Variants in AKAP6 observed in about 807,000 individuals in gnomAD.
The protein encoded by AKAP6 is A-kinase anchor protein 6.
A neutral mutation model predicts 188.5 loss-of-function variants in AKAP6; 58 were observed. The observed-to-expected ratio is 0.31, with a 90% CI of 0.25 to 0.38. The LOEUF is 0.38. Ranked by LOEUF, AKAP6 falls within the 10% of genes least tolerant of loss-of-function variation. AKAP6 has a pLI of 1.00. For missense variants in AKAP6, 2,710 were observed against 2,740.0 expected, an observed-to-expected ratio of 0.99 and a Z score of 0.24; for synonymous variants, 989 against 998.6, an observed-to-expected ratio of 0.99 and a Z score of 0.18.
intron 11 of AKAP6, among the ~76,000 whole-genome samples, chr14:32,744,085 A>T (rs1045546245): frequency 6.6e-6 from 1 of 151,964 alleles, no homozygotes; most frequent in Non-Finnish European, 1.5e-5. Context: ...TTCCTTCAAC[A>T]CTTTAAATAT....
chr14:32,796,047 A>G lies in AKAP6; in HGVS notation c.3588+22154A>G, dbSNP rs60862207. On this transcript the variant is annotated intron_variant, in intron 12 of 13. Coordinates refer to ENST00000280979, the MANE Select transcript of AKAP6 (RefSeq NM_004274.5). ...TCCAATCACAATTGCTACAAAAAGT[A>G]TAAAATATGTAGGAATATAGCTAAC... is the stretch of plus-strand genomic sequence containing the variant. Among the ~76,000 whole-genome samples the G allele has an allele frequency of 6.2e-3, 944 of 152,318 alleles. 7 individuals carry two copies. Among genetic ancestry groups the G allele is most frequent in the African/African-American group, 0.021 (883 of 41,556 alleles).
At chr14:32,764,299 A>G (rs1270090730) in intron 11 of AKAP6, among the ~76,000 whole-genome samples, 3 of 152,188 alleles carry the variant, frequency 2.0e-5, no homozygotes, top group African/African-American at 7.2e-5. Context: ...TATTTTTCCC[A>G]TCCCTGTTAT....
At chr14:32,757,488 T>C (rs1480989381) in intron 11 of AKAP6, among the ~76,000 whole-genome samples, 1 of 152,144 alleles carries the variant, frequency 6.6e-6, no homozygotes, top group African/African-American at 2.4e-5. Context: ...CCCCTTTAAA[T>C]AAGGAAGGGA....
intron 12 of AKAP6, among the ~76,000 whole-genome samples, chr14:32,811,282 G>A (rs10138307): frequency 0.21 from 30,850 of 143,728 alleles, 3,620 homozygotes; most frequent in East Asian, 0.36. Context: ...AAGATAATGT[G>A]TGCCATTTTT....
chr14:32,768,499 C>G (rs1397026618), intron 11 of AKAP6, among the ~76,000 whole-genome samples: 2 of 152,146 alleles, frequency 1.3e-5, no homozygotes, highest in East Asian at 3.9e-4. Flanking sequence ...CAAGAAAATA[C>G]TAGTAACATA....
chr14:32,541,367 A>G (rs979563822), intron 3 of AKAP6, among the ~76,000 whole-genome samples: 2 of 151,848 alleles, frequency 1.3e-5, no homozygotes, highest in African/African-American at 4.8e-5. Flanking sequence ...TATTCATGTA[A>G]CATCACTGAT....
chr14:32,528,768 C>G (rs1218835909), intron 2 of AKAP6, among the ~76,000 whole-genome samples: 1 of 152,124 alleles, frequency 6.6e-6, no homozygotes, highest in African/African-American at 2.4e-5. Context: ...ACCTCTGCCT[C>G]TTGGGTTCAA....
chr14:32,434,005 G>A (rs1461457210), intron 2 of AKAP6, 188 bp downstream of exon 2: 3 of 603,332 alleles, frequency 5.0e-6, no homozygotes, highest in East Asian at 2.8e-5. Context: ...TACATGTGCT[G>A]ATTATCTAGA....
At chr14:32,438,158 G>A (rs1303249384) in intron 2 of AKAP6, among the ~76,000 whole-genome samples, 1 of 152,156 alleles carries the variant, frequency 6.6e-6, no homozygotes, top group Non-Finnish European at 1.5e-5. Flanking sequence ...CAAAGGCATT[G>A]GATGAATCAA....
chr14:32,797,925 G>GAA (rs57455449), intron 12 of AKAP6, among the ~76,000 whole-genome samples: 12,224 of 127,966 alleles, frequency 0.096, 593 homozygotes, highest in South Asian at 0.16. Flanking sequence ...CTTCTGCACA[G>GAA]AAAAAAAAAA....
intron 11 of AKAP6, among the ~76,000 whole-genome samples, chr14:32,768,266 T>C (rs1018603700): frequency 6.6e-6 from 1 of 152,222 alleles, no homozygotes; most frequent in Non-Finnish European, 1.5e-5. Flanking sequence ...ACATTATCTG[T>C]ACCTGAATAG....
chr14:32,708,532 G>A (rs965994359), intron 9 of AKAP6, among the ~76,000 whole-genome samples: 1 of 151,976 alleles, frequency 6.6e-6, no homozygotes, highest in Non-Finnish European at 1.5e-5. Flanking sequence ...CTAATACCAG[G>A]AGAGGGCTGA....
At chr14:32,618,581 TTATC>T (rs896196265) in intron 7 of AKAP6, among the ~76,000 whole-genome samples, 105 of 152,348 alleles carry the variant, frequency 6.9e-4, no homozygotes, top group African/African-American at 2.5e-3. Flanking sequence ...CACATTTTCT[TTATC>T]TACTCATTGG....
rs7155667 is a variant in AKAP6, at chr14:32,450,017, A to T, written c.324+16200A>T. Reference sequence around the variant, plus strand: ...TCCTTCTTGCCTGCTGGCTGGTTCCAGGAGTGAGGCAGAGTGGAAAGCCCC... The same window carrying T: ...TCCTTCTTGCCTGCTGGCTGGTTCCTGGAGTGAGGCAGAGTGGAAAGCCCC... On this transcript the variant is annotated intron_variant, in intron 2 of 13. Coordinates refer to ENST00000280979, the MANE Select transcript of AKAP6 (RefSeq NM_004274.5). Among the ~76,000 whole-genome samples, 457 of 152,240 alleles carry T rather than the reference A, an allele frequency of 3.0e-3. 1 individual carries two copies. The highest frequency in any genetic ancestry group is 0.01 in the African/African-American group (426 of 41,542).
intron 7 of AKAP6, among the ~76,000 whole-genome samples, chr14:32,667,326 A>G (rs17099423): frequency 0.058 from 8,792 of 152,048 alleles, 901 homozygotes; most frequent in African/African-American, 0.2. Context: ...TTTTTGGAAC[A>G]CTAAGAGTAT....
At chr14:32,369,603 C>T (rs1887944174) in intron 1 of AKAP6, among the ~76,000 whole-genome samples, 1 of 152,190 alleles carries the variant, frequency 6.6e-6, no homozygotes, top group African/African-American at 2.4e-5. Context: ...GTGCACAGTA[C>T]ATTTATTAAA....
Position 32,660,924 on chromosome 14 carries a change from AC to A in AKAP6, c.2731-17377del, listed in dbSNP as rs1240351554. Among the ~76,000 whole-genome samples the A allele has an allele frequency of 5.9e-3, 242 of 41,038 alleles. 5 individuals are homozygous for A. Among genetic ancestry groups the A allele is most frequent in the African/African-American group, 0.014 (133 of 9,352 alleles). The allele number at this position is 41,038 out of a possible 152,430, so 26.9% of individuals were successfully genotyped here. On this transcript the variant is annotated intron_variant, in intron 7 of 13. Coordinates refer to ENST00000280979, the MANE Select transcript of AKAP6 (RefSeq NM_004274.5). Reference sequence around the variant, plus strand: ...AGCTCTATATATTTTCTTCCCCGCCACCCCCCCCCCTCCCAATTCCAGCCAT... The same window carrying A: ...AGCTCTATATATTTTCTTCCCCGCCACCCCCCCCCTCCCAATTCCAGCCAT...
intron 7 of AKAP6, among the ~76,000 whole-genome samples, chr14:32,650,299 G>A (rs984765712): frequency 2.6e-5 from 4 of 152,158 alleles, no homozygotes; most frequent in Non-Finnish European, 4.4e-5. Flanking sequence ...AGACATACCA[G>A]TGCGGCATTC....
intron 1 of AKAP6, among the ~76,000 whole-genome samples, chr14:32,403,669 G>T (rs1444306110): frequency 6.6e-6 from 1 of 152,118 alleles, no homozygotes; most frequent in African/African-American, 2.4e-5. Flanking sequence ...TACCTCTCAG[G>T]GTTGCTCTGA....
Sources: gnomAD v4.1 joint callset for allele counts (sites outside exome capture counted in the v4.1 genomes callset) on GRCh38, gnomAD v4.1.1 for gene constraint, MANE v1.5 for transcripts, NCBI Gene and HGNC (gene_info 2026-07-23, HGNC 2026-07-21) for gene names.